The following NRF1 variants were observed in gnomAD, a reference collection of about 807,000 sequenced individuals.
NRF1 encodes nuclear respiratory factor 1, also known as alpha palindromic-binding protein.
NRF1 carries 5 observed loss-of-function variants against 58.5 expected under a neutral mutation model. That is an observed-to-expected ratio of 0.09 (90% confidence interval 0.04 to 0.18). The LOEUF (loss-of-function observed/expected upper bound fraction) is 0.18. NRF1 is among the 10% of genes least tolerant of loss of function. The pLI is 1.00. For missense variants in NRF1, 288 were observed against 657.7 expected, an observed-to-expected ratio of 0.44 and a Z score of 6.15; for synonymous variants, 224 against 246.7, an observed-to-expected ratio of 0.91 and a Z score of 0.86.
intron 10 of NRF1, among the ~76,000 whole-genome samples, chr7:129,729,272 A>AC (rs1314256793): frequency 6.6e-6 from 1 of 152,174 alleles, no homozygotes; most frequent in East Asian, 1.9e-4. Context: ...GCCAAGTAGA[A>AC]CCGTTCAGCC....
chr7:129,657,133 T>C (rs181511173), intron 1 of NRF1, among the ~76,000 whole-genome samples: 8 of 152,326 alleles, frequency 5.3e-5, no homozygotes, highest in Admixed American at 4.6e-4. Context: ...CGAATTTCCA[T>C]CAAAATGGTT....
In NRF1 at chr7:129,738,535, C is replaced by A. The variant is rs900277035; in HGVS notation, c.1348+11170C>A. ...GGGAAGCATGTTGGTAGATGTCATACCAGGAAAATAACCATTTCAGTCGGC... is the reference window on the plus strand; with the variant it reads ...GGGAAGCATGTTGGTAGATGTCATAACAGGAAAATAACCATTTCAGTCGGC... On this transcript the variant is annotated intron_variant, in intron 10 of 10. Transcript: ENST00000393232. Among the ~76,000 whole-genome samples the A allele has an allele frequency of 3.9e-5, 6 of 152,314 alleles. No individual in the cohort carries two copies. The East Asian group carries it at 9.7e-4, about 25-fold the overall frequency.
At chr7:129,704,547 C>A (rs1802906229) in intron 5 of NRF1, among the ~76,000 whole-genome samples, 1 of 151,990 alleles carries the variant, frequency 6.6e-6, no homozygotes, top group African/African-American at 2.4e-5. Flanking sequence ...GATTGAGTAC[C>A]CCCTGCCTGA....
chr7:129,728,102 G>A (rs1803490649), intron 10 of NRF1, among the ~76,000 whole-genome samples: 1 of 152,208 alleles, frequency 6.6e-6, no homozygotes, highest in African/African-American at 2.4e-5. Context: ...AGAAGTCTGG[G>A]TCAAAGAGGA....
chr7:129,750,304 T>C (rs1247256855), intron 10 of NRF1, among the ~76,000 whole-genome samples: 3 of 152,212 alleles, frequency 2.0e-5, no homozygotes, highest in Non-Finnish European at 2.9e-5. Flanking sequence ...GCCTGATTAC[T>C]GTACCTCAGC....
chr7:129,627,524 AAG>A (rs1800946847), intron 1 of NRF1, among the ~76,000 whole-genome samples: 1 of 152,278 alleles, frequency 6.6e-6, no homozygotes, highest in Admixed American at 6.5e-5. Context: ...TTTTTTAAAA[AAG>A]AGTAACATTT....
At chr7:129,727,213 ATCC>A in intron 9 of NRF1, 25 bp from the exon 10 acceptor site, 1 of 1,556,430 alleles carries the variant, frequency 6.4e-7, no homozygotes. Context: ...TCTATTCATC[ATCC>A]TCTCTCCTGT....
chr7:129,730,251 T>G (rs1178658482), intron 10 of NRF1, among the ~76,000 whole-genome samples: 1 of 152,034 alleles, frequency 6.6e-6, no homozygotes, highest in Non-Finnish European at 1.5e-5. Context: ...TCTCAAACTC[T>G]CGGGCTCGAG....
rs372402339 is a variant in NRF1, at chr7:129,677,764, T to A, written c.465+6T>A. The A allele has an allele frequency of 5.0e-6, 8 of 1,613,408 alleles. No homozygotes were observed. Among genetic ancestry groups the A allele is most frequent in the African/African-American group, 1.3e-5 (1 of 74,866 alleles). ...CAGCACCTTTGGAGAATGTGGTAAG[T>A]CAGAACCAAGCTGTTCTCATTTGCC... On this transcript the variant is annotated splice_donor_region_variant and intron_variant, in intron 4 of 10. Transcript: ENST00000393232.
In NRF1 at chr7:129,755,119, A is replaced by G; in HGVS notation, c.1450A>G (p.Ile484Val). ...QVAMAPVTTR[I>V]SDSAVTMDGQ... ...GGCCATGGCCCCTGTGACCACCAGG[A>G]TATCAGACAGCGCAGTCACCATGGA... The change falls in exon 11 of 11, where the codon ATA becomes GTA. Residue 484 changes from isoleucine to valine, a missense_variant. Transcript: ENST00000393232. This position sits in a 1 kb window ranked among gnomAD's most constrained non-coding sequence, Gnocchi z 5.8. 1.9e-6 allele frequency: 3 copies of G among 1,614,054 alleles called. No homozygotes were observed. The highest frequency in any genetic ancestry group is 2.2e-5 in the East Asian group (1 of 44,864).
At chr7:129,753,229 TA>T (rs1252545356) in intron 10 of NRF1, among the ~76,000 whole-genome samples, 2 of 152,178 alleles carry the variant, frequency 1.3e-5, no homozygotes, top group African/African-American at 4.8e-5. Context: ...CAAAAAGAAC[TA>T]AAAGGGGCCT....
intron 10 of NRF1, among the ~76,000 whole-genome samples, chr7:129,729,485 G>A (rs956993237): frequency 1.4e-4 from 22 of 152,220 alleles, no homozygotes; most frequent in Non-Finnish European, 3.1e-4. Flanking sequence ...AGTACTTGCT[G>A]AACTCAGGCC....
intron 5 of NRF1, among the ~76,000 whole-genome samples, chr7:129,705,713 G>A (rs911588374): frequency 2.6e-5 from 4 of 152,038 alleles, no homozygotes; most frequent in Non-Finnish European, 4.4e-5. Context: ...TCCAGGAGTT[G>A]GAGATTGGCC....
intron 7 of NRF1, among the ~76,000 whole-genome samples, chr7:129,711,170 G>A (rs1417414738): frequency 6.6e-6 from 1 of 152,150 alleles, no homozygotes; most frequent in Non-Finnish European, 1.5e-5. Flanking sequence ...AACACAATTT[G>A]TTGATTGGGA....
intron 1 of NRF1, among the ~76,000 whole-genome samples, chr7:129,649,777 A>G (rs1801495554): frequency 6.6e-6 from 1 of 152,026 alleles, no homozygotes; most frequent in South Asian, 2.1e-4. Context: ...TTTAAGAGAG[A>G]GGGTCTCACT....
intron 5 of NRF1, among the ~76,000 whole-genome samples, chr7:129,695,667 T>G (rs1158793480): frequency 6.6e-6 from 1 of 150,702 alleles, no homozygotes; most frequent in Non-Finnish European, 1.5e-5. Context: ...TCTCTTTCTT[T>G]TGGGAGATTT....
chr7:129,637,636 A>G (rs916790794), intron 1 of NRF1, among the ~76,000 whole-genome samples: 2 of 152,156 alleles, frequency 1.3e-5, no homozygotes, highest in Non-Finnish European at 2.9e-5. Context: ...TTTACACTTA[A>G]AAAAATGAGA....
At chr7:129,622,539 C>G (rs1800822639) in intron 1 of NRF1, among the ~76,000 whole-genome samples, 2 of 150,782 alleles carry the variant, frequency 1.3e-5, no homozygotes, top group Non-Finnish European at 3.0e-5. Context: ...CTTTAATATG[C>G]ATGGTTTAGA....
intron 5 of NRF1, among the ~76,000 whole-genome samples, chr7:129,704,802 A>T (rs1326474589): frequency 6.6e-6 from 1 of 152,236 alleles, no homozygotes; most frequent in Non-Finnish European, 1.5e-5. Context: ...CACATGTGAC[A>T]CTTGAAACAT....
Sources: allele counts gnomAD v4.1 joint callset (sites outside exome capture counted in the v4.1 genomes callset), GRCh38; gene constraint gnomAD v4.1.1; non-coding constraint Gnocchi (gnomAD v3.1); transcripts MANE v1.5; gene names NCBI Gene and HGNC (gene_info 2026-07-23, HGNC 2026-07-21).